Variants in STAG1 observed in about 807,000 individuals in gnomAD.
STAG1 encodes the protein cohesin subunit SA-1.
In STAG1, 26 loss-of-function variants were observed where a neutral mutation model predicts 170.9. That is an observed-to-expected ratio of 0.15 (90% CI 0.11 to 0.21). The LOEUF is 0.21. Ranked by LOEUF, STAG1 falls within the 10% of genes least tolerant of loss-of-function variation. The probability of loss-of-function intolerance (pLI) is 1.00; values close to 1 mark genes in which losing one functional copy is unlikely to be tolerated. For synonymous variants in STAG1, 514 were observed against 497.7 expected (o/e 1.03, Z -0.44); for missense variants, 964 against 1,509.5 (o/e 0.64, Z 5.99).
chr3:136,451,236 C>T (rs948396593), intron 14 of STAG1, among the ~76,000 whole-genome samples: 1 of 150,578 alleles, frequency 6.6e-6, no homozygotes, highest in African/African-American at 2.4e-5. Flanking sequence ...CAGATCCTGA[C>T]ATATAAGTGT....
intron 1 of STAG1, among the ~76,000 whole-genome samples, chr3:136,666,800 A>C (rs1941797077): frequency 6.6e-6 from 1 of 151,706 alleles, no homozygotes; most frequent in African/African-American, 2.4e-5. Context: ...AGCCTGGGTG[A>C]CAGAGTGAAA....
intron 5 of STAG1, among the ~76,000 whole-genome samples, chr3:136,549,905 CTT>C (rs1198712134): frequency 6.6e-6 from 1 of 152,060 alleles, no homozygotes; most frequent in African/African-American, 2.4e-5. Context: ...TTATAAAACT[CTT>C]TGTCTGGTAT....
At chr3:136,506,204 C>G (rs181747024) in intron 7 of STAG1, among the ~76,000 whole-genome samples, 2 of 152,212 alleles carry the variant, frequency 1.3e-5, no homozygotes, top group Admixed American at 1.3e-4. Flanking sequence ...TGAGGCAGAG[C>G]TGAAAATATT....
At position 136,604,302 on chromosome 3, in the gene STAG1, A is replaced by C; in HGVS notation, c.297+7T>G. On this transcript the variant is annotated splice_region_variant and intron_variant, in intron 4 of 33. Transcript: ENST00000383202. ...CTTTATACGTGAAATAAAAACTTAA[A>C]ATTTACCTGCATTGCACTTTTCCCC... The C allele has an allele frequency of 1.9e-6, 3 of 1,601,502 alleles. No individual in the cohort carries two copies. Among genetic ancestry groups the C allele is most frequent in the Non-Finnish European group, 2.5e-6 (3 of 1,176,590 alleles).
At chr3:136,379,942 A>G (rs929302648) in intron 22 of STAG1, among the ~76,000 whole-genome samples, 1 of 152,216 alleles carries the variant, frequency 6.6e-6, no homozygotes, top group Non-Finnish European at 1.5e-5. Flanking sequence ...TTTTGTGTAA[A>G]TGAATCATAT....
rs139164599 is a variant in STAG1 at position 136,631,425 on chromosome 3, G to A, written c.-83-444C>T. ...AGTGGGTGGAAGGGATGAACAGGCA[G>A]ATCACAGAAGATTTTTAGGGCAGTG... On this transcript the variant is annotated intron_variant, in intron 1 of 33. Coordinates refer to ENST00000383202, the MANE Select transcript of STAG1 (RefSeq NM_005862.3). Among the ~76,000 whole-genome samples, 9 of 152,302 alleles carry A rather than the reference G, an allele frequency of 5.9e-5. No homozygotes were observed. In the East Asian group the frequency reaches 1.7e-3, roughly 29 times the overall value.
At chr3:136,449,347 G>C (rs2107772261) in intron 14 of STAG1, among the ~76,000 whole-genome samples, 1 of 152,278 alleles carries the variant, frequency 6.6e-6, no homozygotes, top group Admixed American at 6.5e-5. Flanking sequence ...GACCACCTGA[G>C]GTTAGGAGTT....
chr3:136,623,233 T>TTCA lies in STAG1; in HGVS notation c.42_44dup (p.Asn14_Glu15insAsp), dbSNP rs1939944359. Reference sequence around the variant, plus strand: ...TGCCAGCATCGGAATGGGCAGTAGTTTCATTAGTTGAATCCCTAGAAAATG... The same window carrying TTCA: ...TGCCAGCATCGGAATGGGCAGTAGTTTCATCATTAGTTGAATCCCTAGAAAATG... On this transcript the variant is annotated inframe_insertion, in exon 3 of 34. Coordinates refer to ENST00000383202, the MANE Select transcript of STAG1 (RefSeq NM_005862.3). The TTCA allele has an allele frequency of 1.9e-6, 3 of 1,613,248 alleles. No individual in the cohort carries two copies. The Admixed American group carries it at 5.0e-5, about 27-fold the overall frequency.
At chr3:136,737,855 G>A (rs1221795635) in intron 1 of STAG1, among the ~76,000 whole-genome samples, 2 of 150,816 alleles carry the variant, frequency 1.3e-5, no homozygotes, top group Non-Finnish European at 3.0e-5. Flanking sequence ...GGATCTCAAG[G>A]TCAGGGGTTC....
rs192383674 is a variant in STAG1 at position 136,493,850 on chromosome 3, C to T, written c.902+6373G>A. On this transcript the variant is annotated intron_variant, in intron 9 of 33. Coordinates refer to ENST00000383202, the MANE Select transcript of STAG1 (RefSeq NM_005862.3). ...AAGAATAAATAAGGGGGCTGACAAC[C>T]CCCCAAAAATTAAAACAACTACAAA... Among the ~76,000 whole-genome samples, 27 of 152,014 alleles carry T rather than the reference C, an allele frequency of 1.8e-4. No individual in the cohort carries two copies. In the East Asian group the frequency reaches 5.0e-3, roughly 28 times the overall value.
intron 9 of STAG1, among the ~76,000 whole-genome samples, chr3:136,484,803 T>C: frequency 1.3e-5 from 2 of 151,794 alleles, no homozygotes; most frequent in African/African-American, 4.8e-5. Context: ...TAAGCCGGTC[T>C]GAAAAGCGCA....
intron 12 of STAG1, among the ~76,000 whole-genome samples, chr3:136,466,227 C>T (rs939288547): frequency 5.3e-5 from 8 of 152,060 alleles, no homozygotes; most frequent in African/African-American, 7.2e-5. Context: ...GAAGTTGGAG[C>T]CCATCGCAAA....
In STAG1 at chr3:136,441,425, A is replaced by C. The variant is rs556571217; in HGVS notation, c.1546+1862T>G. On this transcript the variant is annotated intron_variant, in intron 15 of 33. Coordinates refer to ENST00000383202, the MANE Select transcript of STAG1 (RefSeq NM_005862.3). ...TACAGCTAGAGGCAAATATAGCATAATAAGCTCTTCCTTGAAAGGTCTGAG... is the reference window on the plus strand; with the variant it reads ...TACAGCTAGAGGCAAATATAGCATACTAAGCTCTTCCTTGAAAGGTCTGAG... 9.8e-5 allele frequency among the ~76,000 whole-genome samples: 15 copies of C among 152,354 alleles called. No individual in the cohort carries two copies. In the South Asian group the frequency reaches 3.1e-3, roughly 32 times the overall value.
intron 28 of STAG1, among the ~76,000 whole-genome samples, chr3:136,354,919 A>G (rs1936586780): frequency 6.6e-6 from 1 of 152,112 alleles, no homozygotes; most frequent in Admixed American, 6.6e-5. Flanking sequence ...CAGAAAGTGA[A>G]AGGATGGAAA....
intron 1 of STAG1, among the ~76,000 whole-genome samples, chr3:136,681,117 C>A (rs1942318448): frequency 6.6e-6 from 1 of 152,112 alleles, no homozygotes; most frequent in Admixed American, 6.6e-5. Flanking sequence ...CAGACAGAAC[C>A]ATTCTTTTTT....
intron 1 of STAG1, among the ~76,000 whole-genome samples, chr3:136,711,322 A>C (rs1943375081): frequency 1.3e-5 from 2 of 152,272 alleles, no homozygotes; most frequent in South Asian, 4.1e-4. Flanking sequence ...ATGGAAATGC[A>C]AAAGAACAGA....
rs1576478645 is a variant in STAG1, at chr3:136,452,024, A to AT, written c.1428+8dup. 1 of 1,565,764 alleles carries AT rather than the reference A, an allele frequency of 6.4e-7. No homozygotes were observed. Among genetic ancestry groups the AT allele is most frequent in the Non-Finnish European group, 8.7e-7 (1 of 1,148,076 alleles). ...AAGAAATAAGGAATTATCTTAAAAC[A>AT]TTTTTTACCTCACTTTCAAGAAAGA... On this transcript the variant is annotated intron_variant, in intron 14 of 33. Transcript: ENST00000383202.
intron 12 of STAG1, among the ~76,000 whole-genome samples, chr3:136,470,331 G>A (rs56218376): frequency 0.077 from 11,797 of 152,270 alleles, 474 homozygotes; most frequent in Non-Finnish European, 0.093. Context: ...CAAAGGATAT[G>A]AACAGACACT....
rs57299539 is a variant in STAG1 at position 136,551,428 on chromosome 3, A to ATTT, written c.395-9236_395-9234dup. Reference sequence around the variant, plus strand: ...AGGCAGGCATCAATACATCTGGCTAATTTTTTTTTTTTTTTGGCAGGGGGA... The same window carrying ATTT: ...AGGCAGGCATCAATACATCTGGCTAATTTTTTTTTTTTTTTTTTGGCAGGGGGA... On this transcript the variant is annotated intron_variant, in intron 5 of 33. Transcript: ENST00000383202. Among the ~76,000 whole-genome samples, 11 of 117,480 alleles carry ATTT rather than the reference A, an allele frequency of 9.4e-5. 1 individual carries two copies. Among genetic ancestry groups the ATTT allele is most frequent in the African/African-American group, 2.0e-4 (6 of 29,808 alleles). The allele number at this position is 117,480 out of a possible 152,430, so 77.1% of individuals were successfully genotyped here. A position where few individuals can be genotyped will look rare whatever the true frequency, so the allele number is the denominator to read the frequency against.
Sources: gnomAD v4.1 joint callset for allele counts (sites outside exome capture counted in the v4.1 genomes callset) on GRCh38, gnomAD v4.1.1 for gene constraint, MANE v1.5 for transcripts, NCBI Gene and HGNC (gene_info 2026-07-23, HGNC 2026-07-21) for gene names.